Variants in CYP2C19 observed in about 807,000 individuals in gnomAD.
The protein encoded by CYP2C19 is cytochrome P450 family 2 subfamily C member 19, also known as cytochrome P450 2C19.
In CYP2C19, 59 loss-of-function variants were observed where a neutral mutation model predicts 40.9. The ratio of observed to expected loss-of-function variants is 1.44; its 90% CI spans 1.17 to 1.79. The LOEUF (loss-of-function observed/expected upper bound fraction) is 1.79. CYP2C19 is among the 40% of genes most tolerant of loss of function. CYP2C19 has a pLI of 0.00. For missense variants in CYP2C19, 754 were observed against 596.9 expected, an observed-to-expected ratio of 1.26 and a Z score of -2.74; for synonymous variants, 253 against 208.7, an observed-to-expected ratio of 1.21 and a Z score of -1.83.
chr10:94,767,911 A>G (rs1848270229), intron 1 of CYP2C19, among the ~76,000 whole-genome samples: 1 of 152,062 alleles, frequency 6.6e-6, no homozygotes, highest in Non-Finnish European at 1.5e-5. Flanking sequence ...GTGTCCTTCC[A>G]TAGGTATTTC....
At chr10:94,805,551 T>A (rs570691090) in intron 5 of CYP2C19, among the ~76,000 whole-genome samples, 1 of 152,310 alleles carries the variant, frequency 6.6e-6, no homozygotes, top group East Asian at 1.9e-4. Context: ...TCTACAGAAT[T>A]CTTTTCATCT....
At chr10:94,781,402 T>A (rs116057606) in intron 4 of CYP2C19, among the ~76,000 whole-genome samples, 1 of 152,136 alleles carries the variant, frequency 6.6e-6, no homozygotes, top group African/African-American at 2.4e-5. Context: ...GGCTGCTTGA[T>A]AGAAATCAAT....
intron 5 of CYP2C19, among the ~76,000 whole-genome samples, chr10:94,804,918 CAG>C (rs1361223028): frequency 1.3e-5 from 2 of 152,098 alleles, no homozygotes; most frequent in African/African-American, 2.4e-5. Flanking sequence ...TTTTTAGTGT[CAG>C]AGTCTTTTAT....
In CYP2C19 at chr10:94,777,973, A is replaced by C. The variant is rs185901812; in HGVS notation, c.481+2434A>C. On this transcript the variant is annotated intron_variant, in intron 3 of 8. Transcript: ENST00000371321. ...GAAAAAAAGAAAACAACAACAACAAAAAAAAACTGCTGGGTCTGTCCTGCA... is the reference window on the plus strand; with the variant it reads ...GAAAAAAAGAAAACAACAACAACAACAAAAAACTGCTGGGTCTGTCCTGCA... 4.4e-3 allele frequency among the ~76,000 whole-genome samples: 666 copies of C among 152,196 alleles called. 5 individuals carry two copies. The highest frequency in any genetic ancestry group is 0.014 in the African/African-American group (589 of 41,556).
At chr10:94,772,605 C>T (rs572950892) in intron 1 of CYP2C19, among the ~76,000 whole-genome samples, 32 of 152,268 alleles carry the variant, frequency 2.1e-4, no homozygotes, top group Admixed American at 4.6e-4. Flanking sequence ...GTCGGGACCC[C>T]GGAGCTGAAT....
chr10:94,834,384 CT>C (rs929667327), intron 6 of CYP2C19, among the ~76,000 whole-genome samples: 2 of 151,632 alleles, frequency 1.3e-5, no homozygotes, highest in African/African-American at 2.4e-5. Flanking sequence ...TTTGAAACTT[CT>C]TTTTTTTCTT....
At position 94,792,064 on chromosome 10, in the gene CYP2C19, A is replaced by G. The variant is rs559354859; in HGVS notation, c.819+10067A>G. ...GGGTGCTCCTGTATTGGGTGCATAT[A>G]TATTTAGGATAGTTAGCTCTTCTTG... On this transcript the variant is annotated intron_variant, in intron 5 of 8. Transcript: ENST00000371321. Among the ~76,000 whole-genome samples the G allele has an allele frequency of 2.6e-5, 4 of 152,246 alleles. No homozygotes were observed. The South Asian group carries it at 8.3e-4, about 32-fold the overall frequency.
chr10:94,852,830 C>A lies in CYP2C19; in HGVS notation c.1389C>A (p.Asp463Glu). 1 of 1,614,066 alleles carries A rather than the reference C, an allele frequency of 6.2e-7. No homozygotes were observed. The highest frequency in any genetic ancestry group is 1.1e-5 in the South Asian group (1 of 91,078). Reference sequence around the variant, plus strand: ...ACTTTAACCTGAAATCTCTGATTGACCCAAAGGACCTTGACACAACTCCTG... The same window carrying A: ...ACTTTAACCTGAAATCTCTGATTGAACCAAAGGACCTTGACACAACTCCTG... ...LQNFNLKSLI[D>E]PKDLDTTPVV... is the part of the protein sequence containing the mutation. Residue 463 changes from aspartate (D) to glutamate (E), a missense_variant, in exon 9 of 9, where the codon GAC becomes GAA. Asp to Glu is a conservative substitution (Grantham distance 45, BLOSUM62 2). Coordinates refer to ENST00000371321, the MANE Select transcript of CYP2C19 (RefSeq NM_000769.4).
intron 5 of CYP2C19, among the ~76,000 whole-genome samples, chr10:94,807,272 G>A (rs540070679): frequency 2.6e-5 from 4 of 152,002 alleles, no homozygotes; most frequent in African/African-American, 9.6e-5. Context: ...TACATACCAC[G>A]TTTTCTTTAC....
At chr10:94,823,968 G>C (rs1285689522) in intron 6 of CYP2C19, among the ~76,000 whole-genome samples, 1 of 152,150 alleles carries the variant, frequency 6.6e-6, no homozygotes, top group Non-Finnish European at 1.5e-5. Flanking sequence ...AGTGAGATGA[G>C]ACAGCAAGAA....
intron 1 of CYP2C19, among the ~76,000 whole-genome samples, chr10:94,773,646 A>T (rs1589818536): frequency 1.3e-5 from 2 of 152,038 alleles, no homozygotes. Context: ...TGAGTGTTAC[A>T]GCTCTTAAAG....
chr10:94,852,440 C>G (rs188829435), intron 8 of CYP2C19, among the ~76,000 whole-genome samples: 5 of 152,180 alleles, frequency 3.3e-5, no homozygotes, highest in African/African-American at 1.2e-4. Flanking sequence ...ATGTAGCTGA[C>G]AGTCAATAAA....
chr10:94,842,725 A>T, intron 6 of CYP2C19, 112 bp from the exon 7 acceptor site: 1 of 1,199,988 alleles, frequency 8.3e-7, no homozygotes, highest in Non-Finnish European at 1.2e-6. Flanking sequence ...ACTATAATTT[A>T]AATTTATTAT....
intron 5 of CYP2C19, among the ~76,000 whole-genome samples, chr10:94,804,094 G>A (rs1327830622): frequency 6.6e-6 from 1 of 152,126 alleles, no homozygotes; most frequent in African/African-American, 2.4e-5. Flanking sequence ...GCTGGTCCAG[G>A]CAAGTAGATG....
At chr10:94,762,973 T>G (rs1352992383) in intron 1 of CYP2C19, 100 bp downstream of exon 1, 2 of 1,286,978 alleles carry the variant, frequency 1.6e-6, no homozygotes, top group African/African-American at 1.5e-5. Context: ...AAGAGATCAT[T>G]GTAAAGTAAA....
intron 5 of CYP2C19, among the ~76,000 whole-genome samples, chr10:94,802,858 G>T (rs920673746): frequency 6.6e-6 from 1 of 151,968 alleles, no homozygotes; most frequent in East Asian, 1.9e-4. Context: ...AGTTTGTCTG[G>T]GTATGAAATT....
chr10:94,768,216 C>T (rs979044519), intron 1 of CYP2C19, among the ~76,000 whole-genome samples: 10 of 152,142 alleles, frequency 6.6e-5, no homozygotes, highest in East Asian at 3.8e-4. Context: ...TTCTAAGGCT[C>T]GGGTAAGTGC....
At chr10:94,823,901 C>T (rs1211627492) in intron 6 of CYP2C19, among the ~76,000 whole-genome samples, 2 of 152,108 alleles carry the variant, frequency 1.3e-5, no homozygotes, top group Non-Finnish European at 2.9e-5. Context: ...AGGGAGGCTG[C>T]CTTGCACCAG....
chr10:94,831,476 A>C (rs1849334478), intron 6 of CYP2C19, among the ~76,000 whole-genome samples: 1 of 152,232 alleles, frequency 6.6e-6, no homozygotes, highest in Non-Finnish European at 1.5e-5. Flanking sequence ...AGGAACATTC[A>C]AACAGCTCTC....
Sources: allele counts gnomAD v4.1 joint callset (sites outside exome capture counted in the v4.1 genomes callset), GRCh38; gene constraint gnomAD v4.1.1; transcripts MANE v1.5; gene names NCBI Gene and HGNC (gene_info 2026-07-23, HGNC 2026-07-21).